Variants in TMEFF2 observed in about 807,000 individuals in gnomAD.
The protein encoded by TMEFF2 is tomoregulin-2.
Under a neutral mutation model 53.8 loss-of-function variants are expected in TMEFF2, and 28 were observed. That is an observed-to-expected ratio of 0.52 (90% CI 0.39 to 0.71). The LOEUF (loss-of-function observed/expected upper bound fraction) is 0.71, where lower values mean the gene tolerates loss of function less well. Ranked by LOEUF, TMEFF2 falls within the 30% of genes least tolerant of loss-of-function variation. The probability of loss-of-function intolerance (pLI) is 0.00; values close to 1 mark genes in which losing one functional copy is unlikely to be tolerated. For synonymous variants in TMEFF2, 162 were observed against 166.3 expected (o/e 0.97, Z 0.20); for missense variants, 353 against 455.2 (o/e 0.78, Z 2.04).
chr2:192,135,551 C>T (rs922009131), intron 4 of TMEFF2, among the ~76,000 whole-genome samples: 1 of 152,152 alleles, frequency 6.6e-6, no homozygotes, highest in African/African-American at 2.4e-5. Context: ...CATGCTGCCC[C>T]TAATCCCGCT....
chr2:192,066,774 TATC>T (rs1035862367), intron 4 of TMEFF2, among the ~76,000 whole-genome samples: 2 of 151,846 alleles, frequency 1.3e-5, no homozygotes, highest in African/African-American at 4.8e-5. Flanking sequence ...GACAGCCTGA[TATC>T]ATGCATAGCA....
intron 5 of TMEFF2, among the ~76,000 whole-genome samples, chr2:192,053,657 T>C (rs1013372598): frequency 6.6e-6 from 1 of 152,210 alleles, no homozygotes; most frequent in African/African-American, 2.4e-5. Flanking sequence ...ACTTATCATA[T>C]GTAGTATTTT....
intron 4 of TMEFF2, among the ~76,000 whole-genome samples, chr2:192,116,924 TAGTC>T (rs1405619059): frequency 7.0e-6 from 1 of 141,912 alleles, no homozygotes; most frequent in African/African-American, 2.6e-5. Flanking sequence ...TATGGCTCAA[TAGTC>T]ATTCAGAACA....
chr2:192,173,885 G>T (rs1019730788), intron 4 of TMEFF2, among the ~76,000 whole-genome samples: 2 of 151,780 alleles, frequency 1.3e-5, no homozygotes, highest in Admixed American at 1.3e-4. Flanking sequence ...ACCCTTCGGA[G>T]AAATTATATT....
chr2:192,157,939 T>G (rs1690544585), intron 4 of TMEFF2, among the ~76,000 whole-genome samples: 1 of 152,090 alleles, frequency 6.6e-6, no homozygotes, highest in Admixed American at 6.6e-5. Context: ...GCGTTTCCTT[T>G]ATCTCAAATG....
Position 192,066,843 on chromosome 2 carries a change from C to CAA in TMEFF2, c.440-9069_440-9068insTT, listed in dbSNP as rs143717152. ...ACTTCATGAAAATATATCATATCAA[C>CAA]TATGGTATTATAATTAAATATAGCT... On this transcript the variant is annotated intron_variant, in intron 4 of 9. Transcript: ENST00000272771. Among the ~76,000 whole-genome samples the CAA allele has an allele frequency of 5.0e-3, 754 of 151,948 alleles. 4 individuals are homozygous for CAA. Among genetic ancestry groups the CAA allele is most frequent in the African/African-American group, 0.017 (692 of 41,496 alleles).
At chr2:192,152,065 A>AGAT (rs1690401341) in intron 4 of TMEFF2, among the ~76,000 whole-genome samples, 2 of 151,854 alleles carry the variant, frequency 1.3e-5, no homozygotes, top group African/African-American at 4.8e-5. Context: ...GGTAATCCGG[A>AGAT]GATGAATGTG....
Position 191,953,721 on chromosome 2 carries a change from A to G in TMEFF2, c.986T>C (p.Ile329Thr). Residue 329 changes from isoleucine (I) to threonine (T), a missense_variant, in exon 9 of 10, where the codon ATT becomes ACT. Physicochemically the swap from Ile to Thr is moderately conservative, Grantham distance 89. Transcript: ENST00000272771. ...YVLIAAVIGTIQIAVICVVVL... is the reference protein window; with the variant it reads ...YVLIAAVIGTTQIAVICVVVL... ...CACCACACAGATGACAGCAATCTGA[A>G]TTGTTCCAATCACAGCTGCGATTAA... The G allele has an allele frequency of 6.2e-7, 1 of 1,614,096 alleles. No homozygotes were observed. Among genetic ancestry groups the G allele is most frequent in the Non-Finnish European group, 8.5e-7 (1 of 1,179,982 alleles).
chr2:191,964,272 T>A (rs1360749567), intron 7 of TMEFF2, among the ~76,000 whole-genome samples: 1 of 238 alleles, frequency 4.2e-3, no homozygotes. Flanking sequence ...TTCTTTTCTT[T>A]TTTCTTTTCC....
At chr2:191,998,063 ACTCTGGC>A in intron 7 of TMEFF2, among the ~76,000 whole-genome samples, 192 bp downstream of exon 7, 1 of 152,070 alleles carries the variant, frequency 6.6e-6, no homozygotes, top group Middle Eastern at 3.4e-3. Flanking sequence ...AATTGCTTTA[ACTCTGGC>A]AAAAACCGTA....
rs757743619 is a variant in TMEFF2, at chr2:191,999,159, C to T, written c.586G>A (p.Ala196Thr). ...CSQTNFNPLC[A>T]SDGKSYDNAC... ...TTATCATAAGATTTCCCATCAGAAG[C>T]GCAGAGGGGATTGAAGTTGGTTTGA... is the stretch of plus-strand genomic sequence containing the variant. Residue 196 changes from alanine to threonine, a missense_variant, in exon 6 of 10, where the codon GCT becomes ACT. By Grantham distance (58) the Ala-to-Thr change is moderately conservative. Transcript: ENST00000272771. 2.5e-6 allele frequency: 4 copies of T among 1,611,288 alleles called. No individual in the cohort carries two copies. Among genetic ancestry groups the T allele is most frequent in the Non-Finnish European group, 3.4e-6 (4 of 1,178,012 alleles).
chr2:192,111,848 G>C (rs1689285048), intron 4 of TMEFF2, among the ~76,000 whole-genome samples: 1 of 152,184 alleles, frequency 6.6e-6, no homozygotes, highest in African/African-American at 2.4e-5. Context: ...GGCTAAAAGG[G>C]GCCAAGGTAC....
intron 3 of TMEFF2, among the ~76,000 whole-genome samples, chr2:192,181,371 T>C (rs1691180329): frequency 6.6e-6 from 1 of 151,852 alleles, no homozygotes; most frequent in Non-Finnish European, 1.5e-5. Flanking sequence ...GTATATAGTT[T>C]CTTTTAAATT....
chr2:192,151,493 T>G (rs137957855), intron 4 of TMEFF2, among the ~76,000 whole-genome samples: 2 of 151,992 alleles, frequency 1.3e-5, no homozygotes, highest in African/African-American at 4.8e-5. Context: ...AGAGCAACTA[T>G]GTTGATTAAG....
intron 5 of TMEFF2, among the ~76,000 whole-genome samples, chr2:192,055,774 CAA>C (rs71405038): frequency 0.1 from 4,401 of 42,154 alleles, 73 homozygotes; most frequent in African/African-American, 0.19. Flanking sequence ...GACTCCATCT[CAA>C]AAAAAAAAAA....
chr2:192,177,226 A>G (rs1355316033), intron 4 of TMEFF2: 1 of 151,194 alleles, frequency 6.6e-6, no homozygotes, highest in Non-Finnish European at 1.5e-5. Context: ...AACCTTGGTA[A>G]TACGAATTCT....
At chr2:192,120,761 G>C (rs1460171666) in intron 4 of TMEFF2, among the ~76,000 whole-genome samples, 1 of 151,060 alleles carries the variant, frequency 6.6e-6, no homozygotes, top group African/African-American at 2.4e-5. Context: ...TTTTGAGATG[G>C]AGTCTCGCTC....
At chr2:191,976,976 C>G (rs1262115196) in intron 7 of TMEFF2, among the ~76,000 whole-genome samples, 1 of 152,174 alleles carries the variant, frequency 6.6e-6, no homozygotes, top group Non-Finnish European at 1.5e-5. Context: ...TAAACTATAG[C>G]TATTTTAAAC....
chr2:192,176,357 G>A (rs1229032817), intron 4 of TMEFF2, among the ~76,000 whole-genome samples: 7 of 151,180 alleles, frequency 4.6e-5, no homozygotes, highest in South Asian at 2.1e-4. Flanking sequence ...CATAAATGGC[G>A]GGTCCTATGT....
Sources: allele counts gnomAD v4.1 joint callset (sites outside exome capture counted in the v4.1 genomes callset), GRCh38; gene constraint gnomAD v4.1.1; transcripts MANE v1.5; gene names NCBI Gene and HGNC (gene_info 2026-07-23, HGNC 2026-07-21).